Variants in SHISA9 observed in about 807,000 individuals in gnomAD.
SHISA9 encodes the protein protein shisa-9.
In SHISA9, 13 loss-of-function variants were observed where a neutral mutation model predicts 38.0. That is an observed-to-expected ratio of 0.34 (90% CI 0.22 to 0.54). The LOEUF (loss-of-function observed/expected upper bound fraction) is 0.54. Among genes scored for constraint, SHISA9 ranks in the 20% least tolerant of loss-of-function variants. The pLI is 0.91. For synonymous variants in SHISA9, 275 were observed against 242.0 expected (o/e 1.14, Z -1.27); for missense variants, 538 against 575.8 (o/e 0.93, Z 0.67).
intron 4 of SHISA9, among the ~76,000 whole-genome samples, chr16:13,216,145 C>G (rs915574706): frequency 5.4e-5 from 8 of 148,418 alleles, no homozygotes; most frequent in African/African-American, 2.0e-4. Flanking sequence ...CAAGATCATG[C>G]CACTGCACTC....
intron 2 of SHISA9, among the ~76,000 whole-genome samples, chr16:13,179,297 G>A (rs1430792718): frequency 6.6e-6 from 1 of 152,086 alleles, no homozygotes; most frequent in Non-Finnish European, 1.5e-5. Flanking sequence ...AGGTGACAGA[G>A]CAAGACTCTG....
At chr16:13,501,404 A>T in the SHISA9 span, among the ~76,000 whole-genome samples, 1 of 152,194 alleles carries the variant, frequency 6.6e-6, no homozygotes, top group African/African-American at 2.4e-5. Flanking sequence ...TGAAAGGAGT[A>T]TAAGAAAGAT....
At chr16:13,547,933 G>T in the SHISA9 span, among the ~76,000 whole-genome samples, 1 of 152,078 alleles carries the variant, frequency 6.6e-6, no homozygotes, top group African/African-American at 2.4e-5. Context: ...AAAGGACAAA[G>T]CTGGTGGCAT....
chr16:13,204,250 A>G (rs2051041929), intron 3 of SHISA9, among the ~76,000 whole-genome samples: 1 of 150,756 alleles, frequency 6.6e-6, no homozygotes, highest in African/African-American at 2.4e-5. Context: ...CTATCTATCT[A>G]CCCATCTTCT....
intron 4 of SHISA9, among the ~76,000 whole-genome samples, chr16:13,226,824 C>T (rs1313289872): frequency 6.6e-6 from 1 of 152,134 alleles, no homozygotes; most frequent in Non-Finnish European, 1.5e-5. Flanking sequence ...TCTCATCCTC[C>T]AGGAGTCTAG....
At chr16:13,392,947 A>G in the SHISA9 span, among the ~76,000 whole-genome samples, 1 of 152,222 alleles carries the variant, frequency 6.6e-6, no homozygotes, top group Non-Finnish European at 1.5e-5. Flanking sequence ...GAGCTGTGAG[A>G]TGATAAATGT....
intron 2 of SHISA9, among the ~76,000 whole-genome samples, chr16:13,126,632 G>C (rs903366146): frequency 3.4e-5 from 5 of 147,102 alleles, no homozygotes; most frequent in African/African-American, 1.3e-4. Flanking sequence ...GCAGAGGGGT[G>C]GGGAGAGAGA....
chr16:13,155,727 T>C (rs749205241), intron 2 of SHISA9, among the ~76,000 whole-genome samples: 1 of 152,000 alleles, frequency 6.6e-6, no homozygotes, highest in Non-Finnish European at 1.5e-5. Flanking sequence ...GTGGCTGGGG[T>C]GGGGGACATT....
the SHISA9 span, among the ~76,000 whole-genome samples, chr16:13,415,128 T>C: frequency 7.2e-5 from 11 of 152,358 alleles, no homozygotes. Flanking sequence ...CCACTTGTTA[T>C]AGTTCATGAT....
the SHISA9 span, among the ~76,000 whole-genome samples, chr16:13,538,998 T>G: frequency 1.3e-5 from 2 of 152,098 alleles, no homozygotes; most frequent in Non-Finnish European, 1.5e-5. Flanking sequence ...GCCAGAACTT[T>G]GACGATTGGA....
At chr16:13,474,545 G>T in the SHISA9 span, among the ~76,000 whole-genome samples, 1 of 152,214 alleles carries the variant, frequency 6.6e-6, no homozygotes, top group Admixed American at 6.5e-5. Flanking sequence ...AGGTACTGTG[G>T]ACCTAGCCAT....
intron 4 of SHISA9, among the ~76,000 whole-genome samples, chr16:13,215,011 A>T (rs2051154327): frequency 6.6e-6 from 1 of 151,860 alleles, no homozygotes; most frequent in Non-Finnish European, 1.5e-5. Flanking sequence ...GGATTAGGGG[A>T]CTGTGGACTA....
At chr16:12,913,743 A>G (rs760167511) in intron 1 of SHISA9, among the ~76,000 whole-genome samples, 3 of 152,182 alleles carry the variant, frequency 2.0e-5, no homozygotes, top group Admixed American at 6.5e-5. Flanking sequence ...TGGACATTGG[A>G]TATCAATGGA....
At chr16:13,379,948 TAAAG>T in the SHISA9 span, among the ~76,000 whole-genome samples, 1 of 152,126 alleles carries the variant, frequency 6.6e-6, no homozygotes, top group Admixed American at 6.5e-5. Context: ...ATACCATAAA[TAAAG>T]AAATTTTGAG....
intron 2 of SHISA9, among the ~76,000 whole-genome samples, chr16:13,021,042 G>A (rs575483287): frequency 6.6e-6 from 1 of 152,184 alleles, no homozygotes; most frequent in East Asian, 1.9e-4. Flanking sequence ...AATCTAGAAG[G>A]GCTGGGTGAA....
the SHISA9 span, among the ~76,000 whole-genome samples, chr16:13,267,441 A>C: frequency 6.6e-6 from 1 of 152,178 alleles, no homozygotes; most frequent in Non-Finnish European, 1.5e-5. Flanking sequence ...GCACTGCTGG[A>C]GGTAGTGTGA....
intron 2 of SHISA9, among the ~76,000 whole-genome samples, chr16:12,929,798 A>G (rs62029750): frequency 6.6e-6 from 1 of 151,934 alleles, no homozygotes; most frequent in Admixed American, 6.6e-5. Flanking sequence ...ACTTAAAATA[A>G]AAGTTGAAGG....
the SHISA9 span, among the ~76,000 whole-genome samples, chr16:13,545,007 C>A: frequency 7.7e-4 from 117 of 152,272 alleles, no homozygotes; most frequent in African/African-American, 4.8e-5. Flanking sequence ...TCATGATCAT[C>A]ATCCTTATTT....
chr16:12,946,018 G>T (rs2071684179), intron 2 of SHISA9, among the ~76,000 whole-genome samples: 1 of 152,234 alleles, frequency 6.6e-6, no homozygotes, highest in Admixed American at 6.5e-5. Flanking sequence ...TAAAGCATGA[G>T]AACTGCTTGA....
Sources: allele counts gnomAD v4.1 joint callset (sites outside exome capture counted in the v4.1 genomes callset), GRCh38; gene constraint gnomAD v4.1.1; transcripts MANE v1.5; gene names NCBI Gene and HGNC (gene_info 2026-07-23, HGNC 2026-07-21).